The following DSCAML1 variants were observed in gnomAD, a reference collection of about 807,000 sequenced individuals.
DSCAML1 encodes DS cell adhesion molecule like 1.
Under a neutral mutation model 200.5 loss-of-function variants are expected in DSCAML1, and 38 were observed. That is an observed-to-expected ratio of 0.19 (90% confidence interval 0.15 to 0.25). The LOEUF is 0.25. Among genes scored for constraint, DSCAML1 ranks in the 10% least tolerant of loss-of-function variants. The pLI, the probability that DSCAML1 is intolerant of heterozygous loss-of-function variation, is 1.00. For missense variants in DSCAML1, 2,223 were observed against 2,858.8 expected (o/e 0.78, Z 5.07); for synonymous variants, 1,215 against 1,165.0 (o/e 1.04, Z -0.87).
At chr11:117,507,481 C>T (rs2049524589) in intron 8 of DSCAML1, among the ~76,000 whole-genome samples, 1 of 152,206 alleles carries the variant, frequency 6.6e-6, no homozygotes, top group Admixed American at 6.5e-5. Flanking sequence ...ACAGAAAAAC[C>T]CAGGCAGCCC....
chr11:117,432,013 T>G (rs2047809753), intron 30 of DSCAML1, among the ~76,000 whole-genome samples: 1 of 152,198 alleles, frequency 6.6e-6, no homozygotes, highest in South Asian at 2.1e-4. Flanking sequence ...GCCTCCTGAC[T>G]GTCCATTCAT....
chr11:117,760,741 C>A (rs1288016540), intron 3 of DSCAML1, among the ~76,000 whole-genome samples: 1 of 152,102 alleles, frequency 6.6e-6, no homozygotes, highest in Non-Finnish European at 1.5e-5. Flanking sequence ...ATCTCTCTCC[C>A]CTGAAGGGCA....
At chr11:117,716,404 G>A (rs567859770) in intron 3 of DSCAML1, among the ~76,000 whole-genome samples, 1 of 152,262 alleles carries the variant, frequency 6.6e-6, no homozygotes, top group East Asian at 1.9e-4. Flanking sequence ...AGCTTGAAGC[G>A]GGTCACCAAA....
At chr11:117,729,472 C>T (rs1380909697) in intron 3 of DSCAML1, among the ~76,000 whole-genome samples, 1 of 151,982 alleles carries the variant, frequency 6.6e-6, no homozygotes. Context: ...GTGCAAAAGA[C>T]ACCATCAAGA....
At chr11:117,793,867 C>T (rs990387316) in intron 1 of DSCAML1, among the ~76,000 whole-genome samples, 5 of 152,166 alleles carry the variant, frequency 3.3e-5, no homozygotes, top group Admixed American at 3.3e-4. Flanking sequence ...AACGAAGCGT[C>T]GGAAAGGCTT....
rs2049727325 is a variant in DSCAML1, at chr11:117,514,932, AAT to A, written c.1783+1533_1783+1534del. ...TTTCTGCCCCGAAAACTGGGGAGGA[AAT>A]GTTACCTGCCTTAGCTGAGTGGGCA... is the stretch of plus-strand genomic sequence containing the variant. On this transcript the variant is annotated intron_variant, in intron 8 of 32. Transcript: ENST00000651296. Among the ~76,000 whole-genome samples the A allele has an allele frequency of 2.0e-5, 3 of 152,194 alleles. No individual in the cohort carries two copies. In the South Asian group the frequency reaches 6.2e-4, roughly 31 times the overall value.
chr11:117,547,651 G>A (rs373032516), intron 3 of DSCAML1, among the ~76,000 whole-genome samples: 1 of 152,202 alleles, frequency 6.6e-6, no homozygotes. Context: ...CACCCCGCGT[G>A]CTATAAAGGC....
intron 3 of DSCAML1, among the ~76,000 whole-genome samples, chr11:117,556,056 T>A (rs1479817962): frequency 2.0e-5 from 3 of 152,136 alleles, no homozygotes; most frequent in Non-Finnish European, 4.4e-5. Context: ...CTTATTGATG[T>A]CAGTTTCCAA....
chr11:117,443,908 C>T lies in DSCAML1; in HGVS notation c.3840G>A (p.Val1280=). The T allele has an allele frequency of 6.2e-7, 1 of 1,609,320 alleles. No homozygotes were observed. Among genetic ancestry groups the T allele is most frequent in the Non-Finnish European group, 8.5e-7 (1 of 1,178,068 alleles). The change falls in exon 21 of 33, where the codon GTG becomes GTA. Residue 1280 remains valine (V), a synonymous_variant. Coordinates refer to ENST00000651296, the MANE Select transcript of DSCAML1 (RefSeq NM_020693.4). ...SAGRGNSSEK[V]TIEPAGKAPA... is the part of the protein sequence containing the mutation. The stretch of plus-strand genomic sequence containing the variant: ...CACCCTTGCCAGCAGGCTCGATGGT[C>T]ACCTTCTCGCTGCTGTTGCCCCGGC...
chr11:117,470,056 C>T (rs2048654752), intron 15 of DSCAML1, 76 bp from the exon 16 acceptor site: 2 of 1,384,364 alleles, frequency 1.4e-6, no homozygotes, highest in Admixed American at 2.1e-5. Flanking sequence ...TTCCCACTCC[C>T]ACCCTCCTGA....
At chr11:117,654,592 C>T (rs537337465) in intron 3 of DSCAML1, among the ~76,000 whole-genome samples, 68 of 152,264 alleles carry the variant, frequency 4.5e-4, no homozygotes, top group African/African-American at 1.5e-3. Flanking sequence ...CACATGGAAT[C>T]GGAACAGAGG....
At chr11:117,585,680 C>A (rs962115492) in intron 3 of DSCAML1, among the ~76,000 whole-genome samples, 1 of 152,148 alleles carries the variant, frequency 6.6e-6, no homozygotes, top group African/African-American at 2.4e-5. Context: ...CTAATGGAAC[C>A]CCTGTTGATC....
At chr11:117,446,235 A>G (rs1177317426) in intron 20 of DSCAML1, among the ~76,000 whole-genome samples, 1 of 152,178 alleles carries the variant, frequency 6.6e-6, no homozygotes, top group African/African-American at 2.4e-5. Flanking sequence ...GTGGTGGCGC[A>G]TGCCTATAAT....
chr11:117,449,068 A>T (rs759967842), intron 20 of DSCAML1, among the ~76,000 whole-genome samples: 1 of 152,240 alleles, frequency 6.6e-6, no homozygotes, highest in Non-Finnish European at 1.5e-5. Flanking sequence ...CAACAACGCG[A>T]ATGAAATTCA....
Position 117,664,838 on chromosome 11 carries a change from A to G in DSCAML1, c.511+111953T>C, listed in dbSNP as rs77998501. Among the ~76,000 whole-genome samples the G allele has an allele frequency of 3.8e-4, 58 of 151,632 alleles. No individual in the cohort carries two copies. The East Asian group carries it at 0.011, about 30-fold the overall frequency. On this transcript the variant is annotated intron_variant, in intron 3 of 32. Transcript: ENST00000651296. ...CATGATGGTGGAGTTCCACACCCCTACTCCTCCTGGCTTTGCCTTAGCTGA... is the reference window on the plus strand; with the variant it reads ...CATGATGGTGGAGTTCCACACCCCTGCTCCTCCTGGCTTTGCCTTAGCTGA...
intron 1 of DSCAML1, among the ~76,000 whole-genome samples, chr11:117,816,475 C>T (rs1014630897): frequency 1.3e-5 from 2 of 152,236 alleles, no homozygotes; most frequent in South Asian, 2.1e-4. Context: ...ACAGATTACC[C>T]GCCCCAGAGG....
chr11:117,618,645 T>C (rs1234887924), intron 3 of DSCAML1, among the ~76,000 whole-genome samples: 1 of 151,936 alleles, frequency 6.6e-6, no homozygotes, highest in East Asian at 1.9e-4. Context: ...TTTCATCATC[T>C]CTTTATAGTG....
At chr11:117,473,611 T>C (rs550333218) in intron 14 of DSCAML1, among the ~76,000 whole-genome samples, 2 of 152,254 alleles carry the variant, frequency 1.3e-5, no homozygotes, top group East Asian at 3.9e-4. Context: ...TTAGTTGAGA[T>C]CTTGATGGTT....
At position 117,443,988 on chromosome 11, in the gene DSCAML1, G is replaced by A. The variant is rs1463960452; in HGVS notation, c.3760C>T (p.His1254Tyr). Residue 1254 changes from histidine to tyrosine, a missense_variant, in exon 21 of 33, where the codon CAC becomes TAC. By Grantham distance (83) the His-to-Tyr change is moderately conservative. This residue lies in a region of DSCAML1 where 614 missense variants were observed against 739.1 expected (regional missense o/e 0.83). Coordinates refer to ENST00000651296, the MANE Select transcript of DSCAML1 (RefSeq NM_020693.4). ...SPEQLFYRIA[H>Y]LNRGQQYLLW... is the part of the protein sequence containing the mutation. The stretch of plus-strand genomic sequence containing the variant: ...AGATACTGCTGACCGCGGTTTAGGT[G>A]GGCGATCCGGTAGAAGAGCTGCTCT... The A allele has an allele frequency of 1.2e-6, 2 of 1,613,860 alleles. No individual in the cohort carries two copies. Among genetic ancestry groups the A allele is most frequent in the African/African-American group, 2.7e-5 (2 of 74,922 alleles).
Sources: allele counts gnomAD v4.1 joint callset (sites outside exome capture counted in the v4.1 genomes callset), GRCh38; gene constraint gnomAD v4.1.1; regional missense constraint gnomAD v4.1.1; transcripts MANE v1.5; gene names NCBI Gene and HGNC (gene_info 2026-07-23, HGNC 2026-07-21).